Variants in GALNT9 observed in about 807,000 individuals in gnomAD.
The protein encoded by GALNT9 is GalNAc transferase 9.
GALNT9 carries 47 observed loss-of-function variants against 63.1 expected under a neutral mutation model. The observed-to-expected ratio is 0.75, with a 90% CI of 0.59 to 0.95. The LOEUF is 0.95. GALNT9 is among the 40% of genes least tolerant of loss of function. GALNT9 has a pLI of 0.00. For synonymous variants in GALNT9, 396 were observed against 365.7 expected (o/e 1.08, Z -0.94); for missense variants, 829 against 874.8 (o/e 0.95, Z 0.66).
intron 2 of GALNT9, chr12:132,278,659 C>G (rs1555241440): frequency 2.0e-5 from 3 of 152,240 alleles, no homozygotes; most frequent in Non-Finnish European, 4.4e-5. Context: ...ACTTAAGCAT[C>G]CCTTCCCTGC....
intron 2 of GALNT9, among the ~76,000 whole-genome samples, chr12:132,267,982 A>C (rs111068626): frequency 0.12 from 17,488 of 142,510 alleles, 2,845 homozygotes; most frequent in African/African-American, 0.39. Flanking sequence ...AACCCACATG[A>C]ACTCACACAC....
intron 6 of GALNT9, among the ~76,000 whole-genome samples, chr12:132,225,433 CCA>C (rs1227356053): frequency 1.4e-5 from 2 of 147,482 alleles, no homozygotes; most frequent in African/African-American, 5.0e-5. Context: ...TATACACCCC[CCA>C]CACACACACC....
At chr12:132,207,474 C>T (rs1744878096) in intron 6 of GALNT9, among the ~76,000 whole-genome samples, 1 of 152,250 alleles carries the variant, frequency 6.6e-6, no homozygotes, top group African/African-American at 2.4e-5. Context: ...GTCTGCGAGG[C>T]CTCCCCAAGC....
At chr12:132,222,421 A>C (rs1051760482) in intron 6 of GALNT9, among the ~76,000 whole-genome samples, 5 of 152,078 alleles carry the variant, frequency 3.3e-5, no homozygotes, top group African/African-American at 1.2e-4. Flanking sequence ...CCTCACAAAA[A>C]GTAGATACAG....
intron 6 of GALNT9, among the ~76,000 whole-genome samples, chr12:132,247,143 C>T (rs1426429113): frequency 6.6e-6 from 1 of 151,358 alleles, no homozygotes; most frequent in African/African-American, 2.5e-5. Context: ...CTCAGAGCCT[C>T]ACACGGACAC....
At chr12:132,206,230 A>AC (rs1876687153) in intron 6 of GALNT9, 1 of 152,014 alleles carries the variant, frequency 6.6e-6, no homozygotes, top group African/African-American at 2.4e-5. Flanking sequence ...CCTTCCCAGC[A>AC]CCCCCACGTG....
intron 9 of GALNT9, among the ~76,000 whole-genome samples, chr12:132,198,868 T>G (rs1294869950): frequency 6.6e-6 from 1 of 152,108 alleles, no homozygotes. Context: ...CCCAGACTGG[T>G]CTCAATTCCT....
chr12:132,208,058 C>T (rs73486342), intron 6 of GALNT9, among the ~76,000 whole-genome samples: 2,219 of 152,288 alleles, frequency 0.015, 45 homozygotes, highest in African/African-American at 0.05. Flanking sequence ...TGCCTTGTGC[C>T]GCGCTCCCCG....
intron 6 of GALNT9, among the ~76,000 whole-genome samples, chr12:132,229,653 G>A (rs1451142550): frequency 3.3e-5 from 5 of 152,220 alleles, no homozygotes; most frequent in African/African-American, 9.6e-5. Flanking sequence ...ACCCTTCTCG[G>A]GCCACACGGC....
Position 132,236,523 on chromosome 12 carries a change from C to T in GALNT9, c.1077+11387G>A, listed in dbSNP as rs1318154185. 6.6e-6 allele frequency among the ~76,000 whole-genome samples: 1 copy of T among 152,152 alleles called. No homozygotes were observed. Among genetic ancestry groups the T allele is most frequent in the Non-Finnish European group, 1.5e-5 (1 of 67,996 alleles). Reference sequence around the variant, plus strand: ...TGGGGGGATGGCGTCTCTCCCTCCCCCAGCCCTTTCCCCTTCCTTCCTTCC... The same window carrying T: ...TGGGGGGATGGCGTCTCTCCCTCCCTCAGCCCTTTCCCCTTCCTTCCTTCC... On this transcript the variant is annotated intron_variant, in intron 6 of 10. Coordinates refer to ENST00000328957, the MANE Select transcript of GALNT9 (RefSeq NM_001122636.2). This position sits in a 1 kb window ranked among gnomAD's most constrained non-coding sequence, Gnocchi z 5.6.
intron 1 of GALNT9, among the ~76,000 whole-genome samples, chr12:132,295,617 AGG>A (rs1262962093): frequency 6.6e-6 from 1 of 152,240 alleles, no homozygotes; most frequent in Non-Finnish European, 1.5e-5. Context: ...GCCCCCAGCC[AGG>A]GATGCCCAGG....
At chr12:132,213,872 C>T (rs957494538) in intron 6 of GALNT9, among the ~76,000 whole-genome samples, 5 of 152,244 alleles carry the variant, frequency 3.3e-5, no homozygotes, top group Non-Finnish European at 5.9e-5. Context: ...AGTTGGTGCG[C>T]GTGGGCGCTG....
At chr12:132,284,310 ACG>A (rs1352924890) in intron 2 of GALNT9, 5 of 151,976 alleles carry the variant, frequency 3.3e-5, no homozygotes, top group East Asian at 1.9e-4. Flanking sequence ...ACGCGCGCGC[ACG>A]CACACACACA....
At chr12:132,240,710 G>T in intron 6 of GALNT9, 1 of 455,780 alleles carries the variant, frequency 2.2e-6, no homozygotes, top group South Asian at 1.5e-5. Context: ...ACCTTATCTT[G>T]CTGGAACCCT....
chr12:132,307,459 C>T (rs568034720), intron 1 of GALNT9, among the ~76,000 whole-genome samples: 24 of 152,176 alleles, frequency 1.6e-4, no homozygotes, highest in South Asian at 1.0e-3. Context: ...ACTTTACAGA[C>T]GAGATTAAGT....
At position 132,252,879 on chromosome 12, in the gene GALNT9, C is replaced by CT. The variant is rs1878976605; in HGVS notation, c.959+4809dup. On this transcript the variant is annotated intron_variant, in intron 5 of 10. Transcript: ENST00000328957. The surrounding 1 kb of genome is among the most constrained non-coding windows in gnomAD (Gnocchi z 5.2). The stretch of plus-strand genomic sequence containing the variant: ...GCCTGGGCAACAACAGCGAAACTGC[C>CT]TCAAAAAAAAAAAAAGACACGGAGA... Among the ~76,000 whole-genome samples the CT allele has an allele frequency of 6.7e-6, 1 of 149,364 alleles. No individual in the cohort carries two copies. Among genetic ancestry groups the CT allele is most frequent in the South Asian group, 2.1e-4 (1 of 4,726 alleles).
At chr12:132,240,514 G>A (rs2136898444) in intron 6 of GALNT9, 15 of 428,110 alleles carry the variant, frequency 3.5e-5, no homozygotes, top group African/African-American at 2.1e-4. Flanking sequence ...CACTCCAGTC[G>A]CTGGCAGTGC....
chr12:132,317,131 C>T (rs1212119147), intron 1 of GALNT9, among the ~76,000 whole-genome samples: 3 of 150,348 alleles, frequency 2.0e-5, no homozygotes, highest in South Asian at 2.1e-4. Flanking sequence ...CCCCACAGAG[C>T]ACAGCCTCAT....
At chr12:132,256,640 G>A (rs1377131731) in intron 5 of GALNT9, among the ~76,000 whole-genome samples, 2 of 98,502 alleles carry the variant, frequency 2.0e-5, no homozygotes, top group African/African-American at 3.9e-5. Context: ...CTGGGGGGAC[G>A]CTGGAGGGGG....
Sources: gnomAD v4.1 joint callset for allele counts (sites outside exome capture counted in the v4.1 genomes callset) on GRCh38, gnomAD v4.1.1 for gene constraint, Gnocchi (gnomAD v3.1) non-coding constraint, MANE v1.5 for transcripts, NCBI Gene and HGNC (gene_info 2026-07-23, HGNC 2026-07-21) for gene names.